LHFPL6: variants seen among roughly 807,000 people sequenced by gnomAD.
LHFPL6 encodes the protein LHFPL tetraspan subfamily member 6 protein.
A neutral mutation model predicts 20.6 loss-of-function variants in LHFPL6; 9 were observed. That is an observed-to-expected ratio of 0.44 (90% CI 0.26 to 0.76). The LOEUF (loss-of-function observed/expected upper bound fraction) is 0.76. LHFPL6 is among the 30% of genes least tolerant of loss of function. LHFPL6 has a pLI of 0.20. For missense variants in LHFPL6, 218 were observed against 253.5 expected (o/e 0.86, Z 0.95); for synonymous variants, 105 against 98.7 (o/e 1.06, Z -0.38).
intron 2 of LHFPL6, among the ~76,000 whole-genome samples, chr13:39,524,008 A>G (rs1870205392): frequency 6.6e-6 from 1 of 152,216 alleles, no homozygotes. Flanking sequence ...CAGAGTACCA[A>G]TAAAAGATAA....
chr13:39,449,391 G>C (rs1872381444), intron 2 of LHFPL6, among the ~76,000 whole-genome samples: 1 of 152,184 alleles, frequency 6.6e-6, no homozygotes, highest in African/African-American at 2.4e-5. Context: ...TCCTGGTCAA[G>C]GGTGTGAATG....
At chr13:39,453,493 G>C (rs934053548) in intron 2 of LHFPL6, among the ~76,000 whole-genome samples, 3 of 152,096 alleles carry the variant, frequency 2.0e-5, no homozygotes, top group African/African-American at 7.2e-5. Context: ...TTTGTGTCAT[G>C]TTTTTATAAT....
At chr13:39,495,895 G>T (rs1869085873) in intron 2 of LHFPL6, among the ~76,000 whole-genome samples, 1 of 150,564 alleles carries the variant, frequency 6.6e-6, no homozygotes, top group Admixed American at 6.6e-5. Context: ...CAAGGGCCTG[G>T]GCTTAAATCT....
At chr13:39,350,972 T>C (rs1869555414) in intron 3 of LHFPL6, among the ~76,000 whole-genome samples, 1 of 152,172 alleles carries the variant, frequency 6.6e-6, no homozygotes, top group African/African-American at 2.4e-5. Flanking sequence ...TTATTACATA[T>C]AACAATGGAA....
At chr13:39,588,823 C>T (rs536106198) in intron 2 of LHFPL6, among the ~76,000 whole-genome samples, 1 of 152,328 alleles carries the variant, frequency 6.6e-6, no homozygotes, top group African/African-American at 2.4e-5. Context: ...GTGTCATTTA[C>T]TATTCTAGTC....
intron 2 of LHFPL6, among the ~76,000 whole-genome samples, chr13:39,583,706 T>C (rs577585371): frequency 6.6e-6 from 1 of 152,296 alleles, no homozygotes; most frequent in East Asian, 1.9e-4. Flanking sequence ...TGAACAAATT[T>C]CTCATGCAAG....
At chr13:39,377,300 A>G (rs1870315615) in intron 3 of LHFPL6, among the ~76,000 whole-genome samples, 1 of 152,194 alleles carries the variant, frequency 6.6e-6, no homozygotes, top group Non-Finnish European at 1.5e-5. Context: ...ATTTTAAACG[A>G]ATTTGTATGC....
chr13:39,541,865 G>A lies in LHFPL6; in HGVS notation c.385+58967C>T, dbSNP rs190342099. On this transcript the variant is annotated intron_variant, in intron 2 of 3. Transcript: ENST00000379589. ...AGCACTTTGGGAGGCCGAGGTGGGT[G>A]GATCACGAGATCAGGAGATCGAGAC... Among the ~76,000 whole-genome samples the A allele has an allele frequency of 7.9e-5, 12 of 151,930 alleles. No individual in the cohort carries two copies. The East Asian group carries it at 1.9e-3, about 25-fold the overall frequency.
intron 2 of LHFPL6, among the ~76,000 whole-genome samples, chr13:39,384,941 G>C (rs1593293374): frequency 6.6e-6 from 1 of 152,344 alleles, no homozygotes; most frequent in East Asian, 1.9e-4. Flanking sequence ...TCAGCAACCA[G>C]AGGAAGGTGG....
In LHFPL6 at chr13:39,433,466, T is replaced by G. The variant is rs114632502; in HGVS notation, c.386-54940A>C. Among the ~76,000 whole-genome samples the G allele has an allele frequency of 3.1e-3, 469 of 152,304 alleles. 1 individual carries two copies. The highest frequency in any genetic ancestry group is 0.01 in the African/African-American group (417 of 41,576). ...ACACACATAATCCTTTGATGATCCA[T>G]CATGTTGAGGAGTGCTTAATAAATA... On this transcript the variant is annotated intron_variant, in intron 2 of 3. Transcript: ENST00000379589.
At chr13:39,535,640 C>G (rs1032043122) in intron 2 of LHFPL6, among the ~76,000 whole-genome samples, 1 of 152,184 alleles carries the variant, frequency 6.6e-6, no homozygotes, top group Non-Finnish European at 1.5e-5. Flanking sequence ...GGACAGTGTA[C>G]ACATTCTGCT....
At chr13:39,589,750 C>G (rs1308404579) in intron 2 of LHFPL6, among the ~76,000 whole-genome samples, 1 of 152,124 alleles carries the variant, frequency 6.6e-6, no homozygotes, top group Non-Finnish European at 1.5e-5. Flanking sequence ...CAATGGGTGT[C>G]TACACTAGAA....
Position 39,343,968 on chromosome 13 carries a change from A to G in LHFPL6, c.571T>C (p.Ser191Pro). 1.9e-6 allele frequency: 3 copies of G among 1,613,768 alleles called. No individual in the cohort carries two copies. The highest frequency in any genetic ancestry group is 2.5e-6 in the Non-Finnish European group (3 of 1,179,928). The part of the protein sequence containing the change: ...MLLCTWLACF[S>P]GKKQKHYPY ...GGGTAGTGCTTCTGTTTCTTGCCCG[A>G]AAAGCAAGCCAGCCACGTGCACAGC... The change falls in exon 4 of 4, where the codon TCG (serine) becomes CCG (proline). Residue 191 changes from serine to proline, a missense_variant. Coordinates refer to ENST00000379589, the MANE Select transcript of LHFPL6 (RefSeq NM_005780.3).
rs532851946 is a variant in LHFPL6, at chr13:39,499,158, G to A, written c.385+101674C>T. 2.9e-4 allele frequency among the ~76,000 whole-genome samples: 44 copies of A among 152,204 alleles called. 1 individual carries two copies. The East Asian group carries it at 3.1e-3, about 11-fold the overall frequency. On this transcript the variant is annotated intron_variant, in intron 2 of 3. Coordinates refer to ENST00000379589, the MANE Select transcript of LHFPL6 (RefSeq NM_005780.3). ...GATTACAGGCGTGTACCACGCACCCGGCCTGCCTTTTCCCCAAACTTCTTA... is the reference window on the plus strand; with the variant it reads ...GATTACAGGCGTGTACCACGCACCCAGCCTGCCTTTTCCCCAAACTTCTTA...
intron 2 of LHFPL6, among the ~76,000 whole-genome samples, chr13:39,447,916 C>T (rs1872336109): frequency 6.6e-6 from 1 of 152,208 alleles, no homozygotes; most frequent in Admixed American, 6.5e-5. Flanking sequence ...TTCTTCCATT[C>T]CTCTTTCCTC....
intron 2 of LHFPL6, among the ~76,000 whole-genome samples, chr13:39,555,345 TC>T (rs1198673488): frequency 6.6e-6 from 1 of 151,790 alleles, no homozygotes. Context: ...TTTTTTGCAT[TC>T]TGCTGTGAAA....
At chr13:39,453,841 A>T (rs2138423130) in intron 2 of LHFPL6, among the ~76,000 whole-genome samples, 1 of 152,326 alleles carries the variant, frequency 6.6e-6, no homozygotes, top group Non-Finnish European at 1.5e-5. Flanking sequence ...GTCGTGTGTG[A>T]TATGGTTAAG....
At chr13:39,602,255 G>A (rs1219264921) in intron 1 of LHFPL6, among the ~76,000 whole-genome samples, 1 of 152,090 alleles carries the variant, frequency 6.6e-6, no homozygotes, top group Non-Finnish European at 1.5e-5. Flanking sequence ...GAATACAGAA[G>A]CACAGAGCCC....
intron 3 of LHFPL6, among the ~76,000 whole-genome samples, chr13:39,355,091 T>C (rs1869689880): frequency 2.7e-5 from 4 of 147,896 alleles, no homozygotes. Flanking sequence ...TGCATAGTGA[T>C]CAGACTCTCC....
Sources: gnomAD v4.1 joint callset for allele counts (sites outside exome capture counted in the v4.1 genomes callset) on GRCh38, gnomAD v4.1.1 for gene constraint, MANE v1.5 for transcripts, NCBI Gene and HGNC (gene_info 2026-07-23, HGNC 2026-07-21) for gene names.